Variants in KPNA6 observed in about 807,000 individuals in gnomAD.
KPNA6 encodes the protein importin subunit alpha-7.
KPNA6 carries 9 observed loss-of-function variants against 72.0 expected under a neutral mutation model. That is an observed-to-expected ratio of 0.13 (90% CI 0.08 to 0.22). The LOEUF (loss-of-function observed/expected upper bound fraction) is 0.22, where lower values mean the gene tolerates loss of function less well. Among genes scored for constraint, KPNA6 ranks in the 10% least tolerant of loss-of-function variants. The pLI is 1.00. For synonymous variants in KPNA6, 219 were observed against 242.1 expected (o/e 0.90, Z 0.89); for missense variants, 374 against 655.7 (o/e 0.57, Z 4.69).
intron 1 of KPNA6, among the ~76,000 whole-genome samples, chr1:32,117,811 C>T (rs1641354891): frequency 6.6e-6 from 1 of 152,116 alleles, no homozygotes. Flanking sequence ...GAGACGCTTA[C>T]TCAGTATGAT....
At chr1:32,142,992 G>A (rs1277752543) in intron 1 of KPNA6, 2 of 1,289,808 alleles carry the variant, frequency 1.6e-6, no homozygotes, top group East Asian at 5.5e-5. Flanking sequence ...GTCCAGGACA[G>A]CCCAGGCTCA....
intron 12 of KPNA6, 58 bp from the exon 13 acceptor site, chr1:32,169,824 G>A: frequency 6.7e-7 from 1 of 1,490,610 alleles, no homozygotes; most frequent in South Asian, 1.2e-5. Flanking sequence ...CAGAGCACCT[G>A]CCCAGCACTT....
intron 1 of KPNA6, among the ~76,000 whole-genome samples, chr1:32,149,711 A>T (rs1641994748): frequency 1.3e-5 from 2 of 152,036 alleles, no homozygotes; most frequent in Admixed American, 6.6e-5. Flanking sequence ...TTTTCCTTCT[A>T]CTTGAAGACT....
chr1:32,118,817 T>G (rs961152961), intron 1 of KPNA6, among the ~76,000 whole-genome samples: 1 of 151,280 alleles, frequency 6.6e-6, no homozygotes, highest in Non-Finnish European at 1.5e-5. Context: ...TGAAATAAAA[T>G]AGAGATAATA....
At chr1:32,125,987 A>AAAC (rs1349154853) in intron 1 of KPNA6, among the ~76,000 whole-genome samples, 1 of 151,054 alleles carries the variant, frequency 6.6e-6, no homozygotes, top group African/African-American at 2.4e-5. Flanking sequence ...ACTAAAAAAA[A>AAAC]AAAAAAAAAA....
At chr1:32,111,673 AGCCTGCCTTCACAT>A in intron 1 of KPNA6, among the ~76,000 whole-genome samples, 1 of 152,312 alleles carries the variant, frequency 6.6e-6, no homozygotes, top group South Asian at 2.1e-4. Flanking sequence ...ACACTAACAC[AGCCTGCCTTCACAT>A]GCCCACAAGT....
chr1:32,160,778 T>C (rs1236566156), intron 7 of KPNA6, 75 bp downstream of exon 7: 2 of 1,011,752 alleles, frequency 2.0e-6, no homozygotes, highest in East Asian at 2.4e-5. Flanking sequence ...GGCAGCATAC[T>C]TGATTCCTTA....
At chr1:32,137,029 T>G (rs1397865683) in intron 1 of KPNA6, among the ~76,000 whole-genome samples, 1 of 152,218 alleles carries the variant, frequency 6.6e-6, no homozygotes, top group Non-Finnish European at 1.5e-5. Context: ...CAAATATACT[T>G]GAGTGTTCTC....
chr1:32,119,013 TATATA>T (rs1569992635), intron 1 of KPNA6, among the ~76,000 whole-genome samples: 2 of 75,776 alleles, frequency 2.6e-5, no homozygotes, highest in African/African-American at 1.2e-4. Flanking sequence ...TATATATATA[TATATA>T]TATATATATA....
At chr1:32,125,610 G>A (rs1389442249) in intron 1 of KPNA6, among the ~76,000 whole-genome samples, 1 of 152,260 alleles carries the variant, frequency 6.6e-6, no homozygotes, top group East Asian at 1.9e-4. Context: ...TGTTGGGTAA[G>A]GTTGAGCTTT....
chr1:32,108,276 G>T, intron 1 of KPNA6, 142 bp downstream of exon 1: 1 of 1,222,770 alleles, frequency 8.2e-7, no homozygotes, highest in Admixed American at 2.0e-5. Flanking sequence ...GGCCGGGAGT[G>T]CCCCTCTTGC....
At chr1:32,170,379 C>T (rs1364480078) in intron 13 of KPNA6, among the ~76,000 whole-genome samples, 2 of 152,186 alleles carry the variant, frequency 1.3e-5, no homozygotes, top group African/African-American at 2.4e-5. Context: ...TAGGTCAGTT[C>T]TCTTTCTGAT....
At chr1:32,138,213 G>GTT (rs1331020844) in intron 1 of KPNA6, among the ~76,000 whole-genome samples, 2 of 151,962 alleles carry the variant, frequency 1.3e-5, no homozygotes, top group Non-Finnish European at 2.9e-5. Flanking sequence ...TAGGCAAGAT[G>GTT]TTTTGACAAT....
At position 32,129,376 on chromosome 1, in the gene KPNA6, G is replaced by C. The variant is rs144982144; in HGVS notation, c.4+21242G>C. ...GGGTGGGGTTTCGCCATGTTGCCCA[G>C]GCTGGTCTTGAATTCCTGGGCTCAA... On this transcript the variant is annotated intron_variant, in intron 1 of 13. Transcript: ENST00000373625. Among the ~76,000 whole-genome samples the C allele has an allele frequency of 5.9e-3, 901 of 152,014 alleles. 6 individuals carry two copies. Among genetic ancestry groups the C allele is most frequent in the African/African-American group, 0.021 (864 of 41,430 alleles).
At chr1:32,119,003 T>C (rs1297376887) in intron 1 of KPNA6, among the ~76,000 whole-genome samples, 3 of 58,920 alleles carry the variant, frequency 5.1e-5, no homozygotes, top group African/African-American at 1.6e-4. Flanking sequence ...TATACATATA[T>C]ATATATATAT....
intron 11 of KPNA6, among the ~76,000 whole-genome samples, chr1:32,166,624 C>CA (rs561653103): frequency 0.024 from 917 of 38,716 alleles, 15 homozygotes; most frequent in East Asian, 0.061. Context: ...GACTCCGTCT[C>CA]AAAAAAAAAA....
intron 12 of KPNA6, among the ~76,000 whole-genome samples, chr1:32,167,954 C>T (rs1344095939): frequency 1.3e-5 from 2 of 152,030 alleles, no homozygotes; most frequent in African/African-American, 4.8e-5. Flanking sequence ...TCCTTTAAAC[C>T]CAGGAGTTCA....
chr1:32,119,938 A>G (rs375080607), intron 1 of KPNA6, among the ~76,000 whole-genome samples: 14 of 151,564 alleles, frequency 9.2e-5, no homozygotes, highest in African/African-American at 3.4e-4. Context: ...AGACTTCACC[A>G]TATTGGCCAG....
chr1:32,167,148 C>T (rs368117232), intron 11 of KPNA6, 21 bp from the exon 12 acceptor site: 38 of 1,609,872 alleles, frequency 2.4e-5, no homozygotes, highest in Non-Finnish European at 3.2e-5. Flanking sequence ...TTCCATCTGC[C>T]TCCTCTCAAT....
Sources: gnomAD v4.1 joint callset for allele counts (sites outside exome capture counted in the v4.1 genomes callset) on GRCh38, gnomAD v4.1.1 for gene constraint, MANE v1.5 for transcripts, NCBI Gene and HGNC (gene_info 2026-07-23, HGNC 2026-07-21) for gene names.